NTRK3: variants seen among roughly 807,000 people sequenced by gnomAD.
The protein encoded by NTRK3 is NT-3 growth factor receptor.
In NTRK3, 24 loss-of-function variants were observed where a neutral mutation model predicts 91.7. The observed-to-expected ratio is 0.26, with a 90% CI of 0.19 to 0.37. The LOEUF is 0.37. Ranked by LOEUF, NTRK3 falls within the 10% of genes least tolerant of loss-of-function variation. The pLI is 1.00. For missense variants in NTRK3, 880 were observed against 1,068.9 expected (o/e 0.82, Z 2.46); for synonymous variants, 483 against 404.0 (o/e 1.20, Z -2.34).
At chr15:87,980,541 G>A (rs1342816062) in intron 14 of NTRK3, among the ~76,000 whole-genome samples, 1 of 152,152 alleles carries the variant, frequency 6.6e-6, no homozygotes, top group Admixed American at 6.5e-5. Context: ...ATATGTGTGT[G>A]TTTGAATGTG....
intron 3 of NTRK3, among the ~76,000 whole-genome samples, chr15:88,189,431 CT>C (rs1179326722): frequency 3.8e-5 from 5 of 130,864 alleles, no homozygotes; most frequent in Non-Finnish European, 8.2e-5. Context: ...TTTTTTTTTT[CT>C]TTTTTTTTGA....
Position 87,928,941 on chromosome 15 carries a change from A to T in NTRK3, c.2133+250T>A. The T allele has an allele frequency of 1.3e-5, 8 of 605,662 alleles. No homozygotes were observed. In the South Asian group the frequency reaches 1.6e-4, roughly 12 times the overall value. The allele number at this position is 605,662 out of a possible 1,614,324, so 37.5% of individuals were successfully genotyped here. On this transcript the variant is annotated intron_variant, in intron 17 of 18. Coordinates refer to ENST00000394480, the Ensembl canonical transcript of NTRK3. ...TGAAGCACGTAAGAACACAATGCATATGTTATTGCAATGTACAGATTACAG... is the reference window on the plus strand; with the variant it reads ...TGAAGCACGTAAGAACACAATGCATTTGTTATTGCAATGTACAGATTACAG...
chr15:87,946,874 C>CTTTTTTTTTTTTTTTTT (rs560114979), intron 14 of NTRK3, among the ~76,000 whole-genome samples: 1 of 85,448 alleles, frequency 1.2e-5, no homozygotes, highest in Admixed American at 1.6e-4. Flanking sequence ...TTCGTGGGTT[C>CTTTTTTTTTTTTTTTTT]TTTTTTTTTT....
rs2078749979 is a variant in NTRK3 at position 88,033,214 on chromosome 15, A to ATATATG, written c.1397-170_1397-169insCATATA. Among the ~76,000 whole-genome samples the ATATATG allele has an allele frequency of 2.3e-5, 3 of 129,160 alleles. No individual in the cohort carries two copies. The South Asian group carries it at 7.7e-4, about 33-fold the overall frequency. The allele number at this position is 129,160 out of a possible 152,430, so 84.7% of individuals were successfully genotyped here. A position where few individuals can be genotyped will look rare whatever the true frequency, so the allele number is the denominator to read the frequency against. On this transcript the variant is annotated intron_variant, in intron 13 of 18. Coordinates refer to ENST00000394480, the Ensembl canonical transcript of NTRK3. ...TATATATATATATATATATATATATATAAATTCAGTTGTTTGGGTTTCTGG... is the reference window on the plus strand; with the variant it reads ...TATATATATATATATATATATATATATATATGTAAATTCAGTTGTTTGGGTTTCTGG...
intron 13 of NTRK3, among the ~76,000 whole-genome samples, chr15:88,059,279 T>G (rs760748622): frequency 3.9e-5 from 6 of 152,190 alleles, no homozygotes; most frequent in African/African-American, 7.2e-5. Flanking sequence ...CGGTGCCAGC[T>G]AATCTGTAAT....
chr15:88,183,296 T>G, intron 5 of NTRK3, 122 bp downstream of exon 5: 1 of 948,832 alleles, frequency 1.1e-6, no homozygotes, highest in Non-Finnish European at 1.7e-6. Flanking sequence ...CCAATAAAGT[T>G]CAAAACCTTG....
chr15:88,236,533 A>ATG, intron 3 of NTRK3, among the ~76,000 whole-genome samples: 1 of 150,080 alleles, frequency 6.7e-6, no homozygotes, highest in Non-Finnish European at 1.5e-5. Flanking sequence ...AAAAAAAAAA[A>ATG]AAAAAATTGT....
At chr15:88,087,652 G>C (rs982090951) in intron 13 of NTRK3, among the ~76,000 whole-genome samples, 1 of 152,194 alleles carries the variant, frequency 6.6e-6, no homozygotes, top group Non-Finnish European at 1.5e-5. Flanking sequence ...CCCACAAAGG[G>C]TCATACCTGC....
intron 14 of NTRK3, among the ~76,000 whole-genome samples, chr15:87,961,329 TTGAC>T (rs1462210969): frequency 6.6e-6 from 1 of 152,228 alleles, no homozygotes; most frequent in Non-Finnish European, 1.5e-5. Context: ...CATTAAACTG[TTGAC>T]TGTCATTAAA....
intron 14 of NTRK3, among the ~76,000 whole-genome samples, chr15:88,027,618 G>A (rs916517791): frequency 1.3e-5 from 2 of 152,278 alleles, no homozygotes; most frequent in South Asian, 2.1e-4. Context: ...TCTGGACCTC[G>A]TGATCCCCCC....
chr15:87,910,325 A>G (rs979840761), intron 17 of NTRK3, among the ~76,000 whole-genome samples: 1 of 152,196 alleles, frequency 6.6e-6, no homozygotes, highest in Non-Finnish European at 1.5e-5. Flanking sequence ...GCAAAGAAAA[A>G]GTGGCACTGA....
chr15:87,938,386 A>G (rs2141999004), intron 15 of NTRK3, among the ~76,000 whole-genome samples: 1 of 152,292 alleles, frequency 6.6e-6, no homozygotes, highest in African/African-American at 2.4e-5. Flanking sequence ...GTCTTGCAAA[A>G]AGAAGTGGAA....
chr15:87,943,068 T>C (rs1485934242), intron 14 of NTRK3, among the ~76,000 whole-genome samples: 1 of 151,912 alleles, frequency 6.6e-6, no homozygotes, highest in South Asian at 2.1e-4. Context: ...CAAAATCACC[T>C]AGACGGCTTG....
At chr15:88,183,596 CT>C in intron 4 of NTRK3, 107 bp from the exon 5 acceptor site, 1 of 1,033,214 alleles carries the variant, frequency 9.7e-7, no homozygotes, top group Non-Finnish European at 1.5e-6. Context: ...TGCAGCCGCC[CT>C]GTGGATTATC....
chr15:88,232,204 C>T (rs1038190406), intron 3 of NTRK3, among the ~76,000 whole-genome samples: 32 of 152,142 alleles, frequency 2.1e-4, no homozygotes, highest in Admixed American at 2.0e-3. Context: ...CCAGGTCCTA[C>T]CTGTACAGCC....
Position 88,183,509 on chromosome 15 carries a change from G to A in NTRK3, c.324-20C>T, listed in dbSNP as rs749246028. ...ATGGTCCTAGACAGAGAGAAAAAGA[G>A]GATCAGCAGAGCTCAAGTGGCAGAG... On this transcript the variant is annotated intron_variant, in intron 4 of 18. Coordinates refer to ENST00000394480, the Ensembl canonical transcript of NTRK3. 2 of 1,611,820 alleles carry A rather than the reference G, an allele frequency of 1.2e-6. No individual in the cohort carries two copies. Among genetic ancestry groups the A allele is most frequent in the Non-Finnish European group, 1.7e-6 (2 of 1,177,904 alleles).
intron 5 of NTRK3, among the ~76,000 whole-genome samples, chr15:88,153,839 T>C (rs1287502272): frequency 6.6e-6 from 1 of 151,912 alleles, no homozygotes; most frequent in Non-Finnish European, 1.5e-5. Context: ...TCTGCCCCCA[T>C]GATCTAATCA....
chr15:88,030,328 A>C (rs1364532810), intron 14 of NTRK3, among the ~76,000 whole-genome samples: 1 of 152,204 alleles, frequency 6.6e-6, no homozygotes, highest in Non-Finnish European at 1.5e-5. Context: ...TAGTGGGATG[A>C]GTCCTTGGCT....
chr15:88,209,398 T>G (rs556516232), intron 3 of NTRK3, among the ~76,000 whole-genome samples: 1 of 152,330 alleles, frequency 6.6e-6, no homozygotes, highest in Non-Finnish European at 1.5e-5. Flanking sequence ...CAGCTGGTGC[T>G]ATTTGGAAGA....
Sources: allele counts gnomAD v4.1 joint callset (sites outside exome capture counted in the v4.1 genomes callset), GRCh38; gene constraint gnomAD v4.1.1; transcripts MANE v1.5; gene names NCBI Gene and HGNC (gene_info 2026-07-23, HGNC 2026-07-21).